The following ZNF385D variants were observed in gnomAD, a reference collection of about 807,000 sequenced individuals.
The protein encoded by ZNF385D is zinc finger protein 385D, also known as zinc finger protein 659.
Under a neutral mutation model 35.8 loss-of-function variants are expected in ZNF385D, and 15 were observed. The ratio of observed to expected loss-of-function variants is 0.42; its 90% CI spans 0.28 to 0.64. The LOEUF (loss-of-function observed/expected upper bound fraction) is 0.64. Among genes scored for constraint, ZNF385D ranks in the 30% least tolerant of loss-of-function variants. The pLI is 0.23. For missense variants in ZNF385D, 474 were observed against 494.6 expected, an observed-to-expected ratio of 0.96 and a Z score of 0.39; for synonymous variants, 212 against 186.8, an observed-to-expected ratio of 1.13 and a Z score of -1.10.
At chr3:21,853,625 T>C (rs1438679725) in intron 3 of ZNF385D, among the ~76,000 whole-genome samples, 2 of 150,566 alleles carry the variant, frequency 1.3e-5, no homozygotes, top group Non-Finnish European at 3.0e-5. Flanking sequence ...GAAAAAAATA[T>C]GGAGGATAAA....
chr3:21,761,074 A>G (rs2070587554), intron 3 of ZNF385D, among the ~76,000 whole-genome samples: 1 of 152,144 alleles, frequency 6.6e-6, no homozygotes, highest in South Asian at 2.1e-4. Context: ...GACACTCAAG[A>G]AGCCCTGTGA....
In ZNF385D at chr3:22,254,059, A is replaced by G. The variant is rs573136930; in HGVS notation, c.107-85024T>C. 5.3e-5 allele frequency among the ~76,000 whole-genome samples: 8 copies of G among 152,064 alleles called. No individual in the cohort carries two copies. In the South Asian group the frequency reaches 1.0e-3, roughly 20 times the overall value. On this transcript the variant is annotated intron_variant, in intron 2 of 5. Transcript: ENST00000494108. ...TATGTTAAAGAAAACACAAATTATAAAGCACACAATGGGGAAAATATTTGC... is the reference window on the plus strand; with the variant it reads ...TATGTTAAAGAAAACACAAATTATAGAGCACACAATGGGGAAAATATTTGC...
intron 3 of ZNF385D, among the ~76,000 whole-genome samples, chr3:22,092,432 A>T (rs1701381054): frequency 6.6e-6 from 1 of 152,114 alleles, no homozygotes; most frequent in Non-Finnish European, 1.5e-5. Context: ...AAACCCCATC[A>T]GTTGCCTTCA....
intron 3 of ZNF385D, among the ~76,000 whole-genome samples, chr3:22,045,935 T>A (rs886688685): frequency 2.0e-5 from 3 of 152,058 alleles, no homozygotes; most frequent in African/African-American, 7.2e-5. Context: ...AAGCCCCAGG[T>A]GTAGAGCTAG....
At chr3:21,771,350 A>G (rs918920131) in intron 3 of ZNF385D, among the ~76,000 whole-genome samples, 1 of 151,938 alleles carries the variant, frequency 6.6e-6, no homozygotes, top group African/African-American at 2.4e-5. Flanking sequence ...ATAAATATAT[A>G]ATACAGAAAG....
chr3:22,086,808 T>C (rs1701069747), intron 3 of ZNF385D, among the ~76,000 whole-genome samples: 1 of 152,100 alleles, frequency 6.6e-6, no homozygotes, highest in Non-Finnish European at 1.5e-5. Flanking sequence ...CTGGAAACCA[T>C]CATTCTGAGC....
intron 2 of ZNF385D, among the ~76,000 whole-genome samples, chr3:22,348,576 A>C (rs550641303): frequency 5.2e-4 from 78 of 151,170 alleles, no homozygotes; most frequent in African/African-American, 1.9e-3. Flanking sequence ...AGGCAGGAGA[A>C]TTGCCTGAAC....
intron 3 of ZNF385D, among the ~76,000 whole-genome samples, chr3:22,039,255 CAAAAAA>C (rs376799573): frequency 1.2e-4 from 13 of 104,102 alleles, no homozygotes; most frequent in Non-Finnish European, 1.5e-4. Flanking sequence ...TAATCCAAGC[CAAAAAA>C]AAAAAAAAAA....
intron 3 of ZNF385D, among the ~76,000 whole-genome samples, chr3:21,833,107 C>T (rs368669905): frequency 1.1e-4 from 16 of 152,174 alleles, no homozygotes; most frequent in African/African-American, 3.6e-4. Context: ...TATTGAGTAC[C>T]TACTGTACCA....
chr3:21,862,814 C>G (rs2125832560), intron 3 of ZNF385D, among the ~76,000 whole-genome samples: 1 of 152,244 alleles, frequency 6.6e-6, no homozygotes, highest in South Asian at 2.1e-4. Flanking sequence ...TTGCCAACAG[C>G]TCTTTGACCT....
chr3:22,013,058 G>C (rs1315743529), intron 3 of ZNF385D, among the ~76,000 whole-genome samples: 1 of 152,102 alleles, frequency 6.6e-6, no homozygotes, highest in African/African-American at 2.4e-5. Context: ...ATGTATGGAA[G>C]ATTTAAAGTA....
At chr3:21,791,634 A>G (rs2071929760) in intron 3 of ZNF385D, among the ~76,000 whole-genome samples, 2 of 152,332 alleles carry the variant, frequency 1.3e-5, no homozygotes, top group South Asian at 4.1e-4. Flanking sequence ...TTCACTATTT[A>G]ATGGCCTCTA....
intron 4 of ZNF385D, among the ~76,000 whole-genome samples, chr3:21,486,408 A>AAAGGC (rs1705031642): frequency 6.6e-6 from 1 of 152,104 alleles, no homozygotes; most frequent in African/African-American, 2.4e-5. Context: ...GATACCTGAT[A>AAAGGC]AAGGCTCACA....
At chr3:22,204,837 A>G (rs1222500000) in intron 2 of ZNF385D, among the ~76,000 whole-genome samples, 1 of 151,912 alleles carries the variant, frequency 6.6e-6, no homozygotes, top group Non-Finnish European at 1.5e-5. Context: ...AGAATAAAGA[A>G]CAATGAAGCA....
At chr3:22,177,019 A>G (rs940918125) in intron 2 of ZNF385D, among the ~76,000 whole-genome samples, 11 of 152,120 alleles carry the variant, frequency 7.2e-5, no homozygotes, top group African/African-American at 2.7e-4. Flanking sequence ...ACAGTACACA[A>G]ATCTTTTCCT....
chr3:21,425,826 C>G (rs1001675083), intron 5 of ZNF385D, among the ~76,000 whole-genome samples, 156 bp from the exon 6 acceptor site: 2 of 152,102 alleles, frequency 1.3e-5, no homozygotes, highest in African/African-American at 4.8e-5. Context: ...GCAGTTTTTC[C>G]TGGCATTATG....
At chr3:21,463,450 AAGCAGTCACAGAGCTC>A (rs1280496201) in intron 4 of ZNF385D, among the ~76,000 whole-genome samples, 1 of 152,226 alleles carries the variant, frequency 6.6e-6, no homozygotes, top group African/African-American at 2.4e-5. Flanking sequence ...TGGCACAGCG[AAGCAGTCACAGAGCTC>A]AGCGGTTGAG....
At chr3:21,699,884 T>C (rs1468559927) in intron 1 of ZNF385D, among the ~76,000 whole-genome samples, 2 of 146,924 alleles carry the variant, frequency 1.4e-5, no homozygotes, top group African/African-American at 5.1e-5. Context: ...CAGGTTGAAG[T>C]GCAGTGGTGC....
intron 2 of ZNF385D, among the ~76,000 whole-genome samples, chr3:22,335,971 C>A (rs1296876690): frequency 6.6e-6 from 1 of 151,864 alleles, no homozygotes; most frequent in East Asian, 1.9e-4. Flanking sequence ...TCTGAATTTT[C>A]AAAAATGTAC....
Sources: allele counts gnomAD v4.1 joint callset (sites outside exome capture counted in the v4.1 genomes callset), GRCh38; gene constraint gnomAD v4.1.1; transcripts MANE v1.5; gene names NCBI Gene and HGNC (gene_info 2026-07-23, HGNC 2026-07-21).